Variants in PTPRD observed in about 807,000 individuals in gnomAD.
PTPRD encodes the protein protein tyrosine phosphatase receptor type D.
Under a neutral mutation model 214.5 loss-of-function variants are expected in PTPRD, and 34 were observed. The ratio of observed to expected loss-of-function variants is 0.16; its 90% CI spans 0.12 to 0.21. The LOEUF (loss-of-function observed/expected upper bound fraction) is 0.21. PTPRD is among the 10% of genes least tolerant of loss of function. The pLI, the probability that PTPRD is intolerant of heterozygous loss-of-function variation, is 1.00. For missense variants in PTPRD, 2,545 were observed against 2,398.7 expected (o/e 1.06, Z -1.27); for synonymous variants, 1,128 against 845.7 (o/e 1.33, Z -5.79).
intron 8 of PTPRD, among the ~76,000 whole-genome samples, chr9:9,562,289 C>T (rs1486918187): frequency 6.6e-6 from 1 of 152,150 alleles, no homozygotes; most frequent in East Asian, 1.9e-4. Context: ...CAAAATTTAC[C>T]TAGAAAATTT....
At position 8,358,977 on chromosome 9, in the gene PTPRD, G is replaced by A. The variant is rs544945812; in HGVS notation, c.4661+16959C>T. Among the ~76,000 whole-genome samples the A allele has an allele frequency of 8.2e-4, 123 of 149,678 alleles. 2 individuals are homozygous for A. The highest frequency in any genetic ancestry group is 2.7e-3 in the African/African-American group (108 of 40,670). Reference sequence around the variant, plus strand: ...AAAAAAATTAGCCGGGCGTGGTGGCGGGCGCCTGTAGTCCCAGCTACTCGG... The same window carrying A: ...AAAAAAATTAGCCGGGCGTGGTGGCAGGCGCCTGTAGTCCCAGCTACTCGG... On this transcript the variant is annotated intron_variant, in intron 39 of 45. Transcript: ENST00000381196.
intron 7 of PTPRD, among the ~76,000 whole-genome samples, chr9:9,671,135 C>T (rs1342833883): frequency 2.6e-5 from 4 of 152,048 alleles, no homozygotes; most frequent in Admixed American, 2.6e-4. Context: ...GTGGAGCTGC[C>T]CAAGACCATG....
intron 4 of PTPRD, among the ~76,000 whole-genome samples, chr9:10,004,733 T>TA (rs1182344494): frequency 2.0e-5 from 3 of 152,070 alleles, no homozygotes; most frequent in African/African-American, 4.8e-5. Flanking sequence ...CCAAACTTTA[T>TA]AAAATCAATG....
chr9:9,584,497 C>T (rs73388949), intron 7 of PTPRD, among the ~76,000 whole-genome samples: 5,614 of 151,822 alleles, frequency 0.037, 304 homozygotes, highest in African/African-American at 0.12. Context: ...AAAATATCTC[C>T]AACTCCCTCC....
chr9:8,396,575 C>T (rs543567655), intron 36 of PTPRD, among the ~76,000 whole-genome samples: 7 of 152,094 alleles, frequency 4.6e-5, no homozygotes, highest in Admixed American at 1.3e-4. Flanking sequence ...AACTCACTCC[C>T]AGAGCTTTCT....
At chr9:8,806,507 C>CTT (rs2096685179) in intron 11 of PTPRD, among the ~76,000 whole-genome samples, 1 of 152,196 alleles carries the variant, frequency 6.6e-6, no homozygotes, top group Admixed American at 6.5e-5. Context: ...ACAAAACCAT[C>CTT]TTACCCCCTT....
chr9:10,422,445 C>T (rs1424520739), intron 2 of PTPRD, among the ~76,000 whole-genome samples: 2 of 151,828 alleles, frequency 1.3e-5, no homozygotes, highest in Non-Finnish European at 2.9e-5. Flanking sequence ...TAACAAAAGC[C>T]AAAATAGACA....
chr9:9,263,367 G>A (rs1052854863), intron 9 of PTPRD, among the ~76,000 whole-genome samples: 8 of 151,696 alleles, frequency 5.3e-5, no homozygotes, highest in African/African-American at 1.9e-4. Flanking sequence ...ATTCATCAAA[G>A]CACCTTCTCA....
chr9:10,537,709 T>C (rs989014563), intron 2 of PTPRD, among the ~76,000 whole-genome samples: 14 of 152,150 alleles, frequency 9.2e-5, no homozygotes, highest in African/African-American at 2.7e-4. Context: ...TCTGATTATA[T>C]CCATATTTAT....
chr9:9,809,614 G>T (rs959911057), intron 5 of PTPRD, among the ~76,000 whole-genome samples: 2 of 152,134 alleles, frequency 1.3e-5, no homozygotes, highest in African/African-American at 4.8e-5. Context: ...ATAAAAGTTT[G>T]AATGAATCTT....
At chr9:10,217,590 T>C (rs975384419) in intron 3 of PTPRD, among the ~76,000 whole-genome samples, 2 of 151,978 alleles carry the variant, frequency 1.3e-5, no homozygotes, top group Non-Finnish European at 1.5e-5. Flanking sequence ...TATATCTCAG[T>C]TAGTACTTGA....
At chr9:10,167,821 T>TA (rs1410617364) in intron 3 of PTPRD, among the ~76,000 whole-genome samples, 4 of 152,194 alleles carry the variant, frequency 2.6e-5, no homozygotes. Context: ...TAAGAGTTGA[T>TA]ACTGTGTGAT....
At chr9:8,458,218 G>A (rs2096271896) in intron 33 of PTPRD, among the ~76,000 whole-genome samples, 1 of 151,996 alleles carries the variant, frequency 6.6e-6, no homozygotes, top group Non-Finnish European at 1.5e-5. Flanking sequence ...TTCTTTTTGT[G>A]GGATTAGGAA....
intron 11 of PTPRD, among the ~76,000 whole-genome samples, chr9:8,930,707 G>T (rs374779045): frequency 1.4e-4 from 22 of 152,246 alleles, no homozygotes; most frequent in African/African-American, 4.8e-4. Context: ...TTCTCTGATG[G>T]CCAGTGATGA....
chr9:8,880,123 A>C (rs2098430840), intron 11 of PTPRD, among the ~76,000 whole-genome samples: 1 of 152,168 alleles, frequency 6.6e-6, no homozygotes, highest in Non-Finnish European at 1.5e-5. Context: ...AAAGTAGCTA[A>C]ACCATAAGAA....
chr9:9,071,084 T>G (rs1427861487), intron 10 of PTPRD, among the ~76,000 whole-genome samples: 5 of 152,140 alleles, frequency 3.3e-5, no homozygotes, highest in Non-Finnish European at 7.4e-5. Context: ...CAGCTAATCT[T>G]TTAATTTTTT....
intron 8 of PTPRD, among the ~76,000 whole-genome samples, chr9:9,443,758 A>C (rs1199367481): frequency 1.3e-5 from 2 of 152,072 alleles, no homozygotes; most frequent in Admixed American, 6.6e-5. Flanking sequence ...TCTAGTTGGC[A>C]CCCATGGAAT....
At chr9:8,544,467 C>CTTTT (rs34002040) in intron 14 of PTPRD, among the ~76,000 whole-genome samples, 3 of 116,206 alleles carry the variant, frequency 2.6e-5, no homozygotes, top group Middle Eastern at 5.1e-3. Context: ...AAAAAAATAA[C>CTTTT]TTTTTTTTTT....
intron 5 of PTPRD, among the ~76,000 whole-genome samples, chr9:9,791,020 T>C (rs1319905283): frequency 1.3e-5 from 2 of 152,140 alleles, no homozygotes; most frequent in East Asian, 3.8e-4. Flanking sequence ...AATAGATAAA[T>C]GCACTGTGTT....
Sources: allele counts gnomAD v4.1 joint callset (sites outside exome capture counted in the v4.1 genomes callset), GRCh38; gene constraint gnomAD v4.1.1; transcripts MANE v1.5; gene names NCBI Gene and HGNC (gene_info 2026-07-23, HGNC 2026-07-21).